KLF8: variants seen among roughly 807,000 people sequenced by gnomAD.
KLF8 encodes Krueppel-like factor 8.
KLF8 carries 10 observed loss-of-function variants against 18.2 expected under a neutral mutation model. The observed-to-expected ratio is 0.55, with a 90% CI of 0.34 to 0.93. The LOEUF is 0.93. Among genes scored for constraint, KLF8 ranks in the 40% least tolerant of loss-of-function variants. The probability of loss-of-function intolerance (pLI) is 0.02; values close to 1 mark genes in which losing one functional copy is unlikely to be tolerated. For synonymous variants in KLF8, 109 were observed against 97.3 expected (o/e 1.12, Z -0.71); for missense variants, 264 against 277.9 (o/e 0.95, Z 0.36).
chrX:56,259,508 TCTTTA>T (rs923556179), intron 2 of KLF8, among the ~76,000 whole-genome samples: 3 of 110,582 alleles, frequency 2.7e-5, no homozygotes, highest in African/African-American at 9.9e-5. Context: ...CTCACCAAAC[TCTTTA>T]CTTTTCTTAG....
At chrX:56,082,166 G>A in the KLF8 span, among the ~76,000 whole-genome samples, 3 of 111,665 alleles carry the variant, frequency 2.7e-5, no homozygotes, top group South Asian at 3.7e-4. Flanking sequence ...CCATTTCGTC[G>A]TGATCTAGTC....
the KLF8 span, among the ~76,000 whole-genome samples, chrX:55,933,561 A>G: frequency 8.9e-6 from 1 of 112,533 alleles, no homozygotes; most frequent in African/African-American, 3.2e-5. Context: ...ATATTTTTAG[A>G]AAATATTTCG....
At chrX:56,058,279 CATATATATATATATATATAT>C in the KLF8 span, among the ~76,000 whole-genome samples, 1 of 7,302 alleles carries the variant, frequency 1.4e-4, no homozygotes, top group South Asian at 5.0e-3. Flanking sequence ...CATATATATA[CATATATATATATATATATAT>C]ATATATATAT....
chrX:56,157,394 A>G, the KLF8 span, among the ~76,000 whole-genome samples: 1 of 109,933 alleles, frequency 9.1e-6, no homozygotes, highest in African/African-American at 3.3e-5. Flanking sequence ...TAAAAATAAA[A>G]TTAAAAAAAA....
the KLF8 span, among the ~76,000 whole-genome samples, chrX:56,016,885 G>T: frequency 9.0e-6 from 1 of 111,582 alleles, no homozygotes; most frequent in African/African-American, 3.3e-5. Context: ...ATTTTTTATA[G>T]TTTTTATACA....
the KLF8 span, among the ~76,000 whole-genome samples, chrX:56,123,299 G>GAAAGAA: frequency 1.9e-5 from 2 of 102,842 alleles, no homozygotes; most frequent in South Asian, 4.0e-4. Flanking sequence ...AAGAAAGAAA[G>GAAAGAA]AGAAAGAAAG....
the KLF8 span, among the ~76,000 whole-genome samples, chrX:55,996,557 G>A: frequency 8.9e-6 from 1 of 111,754 alleles, no homozygotes; most frequent in South Asian, 3.7e-4. Flanking sequence ...ATTATTTGAT[G>A]CCCTTGAGGG....
chrX:56,069,805 G>A, the KLF8 span, among the ~76,000 whole-genome samples: 2 of 111,682 alleles, frequency 1.8e-5, no homozygotes, highest in East Asian at 2.8e-4. Context: ...CCAGCTTCCT[G>A]CCCAGCGGTC....
the KLF8 span, among the ~76,000 whole-genome samples, chrX:56,221,863 G>C: frequency 1.8e-5 from 2 of 111,524 alleles, no homozygotes; most frequent in African/African-American, 3.3e-5. Context: ...CTGCTGGCTC[G>C]GGCAGCCTGC....
At chrX:56,063,844 C>T in the KLF8 span, among the ~76,000 whole-genome samples, 4 of 110,653 alleles carry the variant, frequency 3.6e-5, no homozygotes, top group Admixed American at 9.7e-5. Flanking sequence ...TCAGAGATGC[C>T]CTGCCCAGAG....
chrX:56,004,913 A>T, the KLF8 span, among the ~76,000 whole-genome samples: 1 of 111,458 alleles, frequency 9.0e-6, no homozygotes, highest in Admixed American at 9.5e-5. Context: ...TTCCGTGGGA[A>T]TATATGTAAG....
At chrX:56,034,559 G>A in the KLF8 span, among the ~76,000 whole-genome samples, 1 of 110,207 alleles carries the variant, frequency 9.1e-6, no homozygotes, top group Non-Finnish European at 1.9e-5. Flanking sequence ...TATGTATGGG[G>A]TACATAGTAA....
At chrX:56,137,157 G>A in the KLF8 span, among the ~76,000 whole-genome samples, 1 of 109,326 alleles carries the variant, frequency 9.1e-6, no homozygotes, top group Non-Finnish European at 1.9e-5. Flanking sequence ...ACTGTTGGTG[G>A]GACTGTAAAC....
chrX:55,981,926 C>T, the KLF8 span, among the ~76,000 whole-genome samples: 1 of 111,785 alleles, frequency 8.9e-6, no homozygotes, highest in Non-Finnish European at 1.9e-5. Context: ...GAGGGTAGCA[C>T]AGCTTTTGGA....
the KLF8 span, among the ~76,000 whole-genome samples, chrX:55,928,341 G>C: frequency 9.0e-6 from 1 of 111,165 alleles, no homozygotes; most frequent in African/African-American, 3.3e-5. Context: ...TGTCTGCTGA[G>C]TTTCCCCACT....
chrX:55,940,186 C>T, the KLF8 span, among the ~76,000 whole-genome samples: 2 of 111,785 alleles, frequency 1.8e-5, no homozygotes, highest in African/African-American at 6.5e-5. Flanking sequence ...ACCATGATCA[C>T]GTGGACTTCA....
the KLF8 span, among the ~76,000 whole-genome samples, chrX:56,069,739 T>C: frequency 7.2e-5 from 8 of 111,803 alleles, no homozygotes; most frequent in African/African-American, 1.9e-4. Flanking sequence ...AGCCCAGCAG[T>C]CATGCCCGGC....
At chrX:56,028,778 G>A in the KLF8 span, among the ~76,000 whole-genome samples, 1 of 111,226 alleles carries the variant, frequency 9.0e-6, no homozygotes, top group Non-Finnish European at 1.9e-5. Flanking sequence ...TCAGGAGCTA[G>A]TCTAATGCTA....
At chrX:56,072,875 C>T in the KLF8 span, among the ~76,000 whole-genome samples, 2 of 111,527 alleles carry the variant, frequency 1.8e-5, no homozygotes, top group African/African-American at 6.5e-5. Flanking sequence ...CCTGCAGTTT[C>T]TGGTAAACTC....
Sources: gnomAD v4.1 joint callset for allele counts (sites outside exome capture counted in the v4.1 genomes callset) on GRCh38, gnomAD v4.1.1 for gene constraint, MANE v1.5 for transcripts, NCBI Gene and HGNC (gene_info 2026-07-23, HGNC 2026-07-21) for gene names.